SEL1L2: variants seen among roughly 807,000 people sequenced by gnomAD.
The protein encoded by SEL1L2 is SEL1L2 adaptor subunit of SYVN1 ubiquitin ligase.
In SEL1L2, 89 loss-of-function variants were observed where a neutral mutation model predicts 98.8. That is an observed-to-expected ratio of 0.90 (90% CI 0.76 to 1.07). SEL1L2 has a LOEUF of 1.07. Among genes scored for constraint, SEL1L2 ranks in the 50% least tolerant of loss-of-function variants. The probability of loss-of-function intolerance (pLI) is 0.00; values close to 1 mark genes in which losing one functional copy is unlikely to be tolerated. For missense variants in SEL1L2, 788 were observed against 812.0 expected (o/e 0.97, Z 0.36); for synonymous variants, 262 against 278.5 (o/e 0.94, Z 0.59).
intron 14 of SEL1L2, among the ~76,000 whole-genome samples, chr20:13,867,686 G>T (rs35770779): frequency 2.0e-5 from 3 of 152,068 alleles, no homozygotes; most frequent in African/African-American, 7.3e-5. Flanking sequence ...GGTCAAATGA[G>T]TTGAGAGGGT....
At chr20:13,860,336 C>T (rs1478454342) in intron 17 of SEL1L2, among the ~76,000 whole-genome samples, 1 of 152,210 alleles carries the variant, frequency 6.6e-6, no homozygotes, top group East Asian at 1.9e-4. Context: ...CTCCCATGGA[C>T]TCTTCAACCC....
chr20:13,935,632 T>G (rs1156324642), intron 2 of SEL1L2, among the ~76,000 whole-genome samples: 2 of 150,566 alleles, frequency 1.3e-5, no homozygotes, highest in East Asian at 1.9e-4. Flanking sequence ...GTGAGTGGGG[T>G]GGGGAGAGGG....
intron 12 of SEL1L2, among the ~76,000 whole-genome samples, chr20:13,870,644 C>T (rs1354200950): frequency 1.3e-5 from 2 of 152,026 alleles, no homozygotes; most frequent in Non-Finnish European, 2.9e-5. Context: ...AGATTGAGGC[C>T]GGGCATGGTG....
chr20:13,957,406 G>C (rs900098692), intron 1 of SEL1L2, among the ~76,000 whole-genome samples: 1 of 152,184 alleles, frequency 6.6e-6, no homozygotes, highest in Non-Finnish European at 1.5e-5. Context: ...CCAGCCCATT[G>C]TATTTATTAA....
chr20:13,975,794 T>C (rs2051504127), intron 1 of SEL1L2, among the ~76,000 whole-genome samples: 1 of 152,194 alleles, frequency 6.6e-6, no homozygotes, highest in Non-Finnish European at 1.5e-5. Context: ...GAGACTTTGA[T>C]GCATAGGACA....
At chr20:13,949,347 C>A (rs1445973258) in intron 2 of SEL1L2, among the ~76,000 whole-genome samples, 2 of 152,178 alleles carry the variant, frequency 1.3e-5, no homozygotes, top group African/African-American at 2.4e-5. Context: ...CCACCTTACA[C>A]CCTATTCAAA....
chr20:13,854,791 C>A (rs999242765), intron 18 of SEL1L2, among the ~76,000 whole-genome samples: 5 of 152,116 alleles, frequency 3.3e-5, no homozygotes, highest in Admixed American at 1.3e-4. Context: ...TGGTGGCTCA[C>A]GCCTGTAACC....
At chr20:13,930,739 TCATC>T (rs2049107724) in intron 3 of SEL1L2, among the ~76,000 whole-genome samples, 3 of 152,174 alleles carry the variant, frequency 2.0e-5, no homozygotes, top group Non-Finnish European at 4.4e-5. Context: ...ATCAATGAGT[TCATC>T]CAGCCCCAAA....
At chr20:13,921,259 A>T (rs975471847) in intron 3 of SEL1L2, among the ~76,000 whole-genome samples, 4 of 152,182 alleles carry the variant, frequency 2.6e-5, no homozygotes, top group African/African-American at 9.6e-5. Context: ...TGCAACCTCC[A>T]CCTCCTGGGT....
chr20:13,961,483 G>T (rs2050768537), intron 1 of SEL1L2, among the ~76,000 whole-genome samples: 1 of 152,134 alleles, frequency 6.6e-6, no homozygotes, highest in Non-Finnish European at 1.5e-5. Context: ...GGTTTTTGGG[G>T]CATGGAGGGG....
At chr20:13,877,661 T>G in intron 10 of SEL1L2, 73 bp from the exon 11 acceptor site, 1 of 1,131,970 alleles carries the variant, frequency 8.8e-7, no homozygotes, top group Non-Finnish European at 1.3e-6. Context: ...GAACCAAACT[T>G]TATTCAATAT....
At chr20:13,965,039 C>T (rs114857645) in intron 1 of SEL1L2, among the ~76,000 whole-genome samples, 1 of 152,218 alleles carries the variant, frequency 6.6e-6, no homozygotes, top group African/African-American at 2.4e-5. Flanking sequence ...TCAGTCCTCA[C>T]CTCTTCTCTC....
chr20:13,887,822 A>G lies in SEL1L2; in HGVS notation c.692T>C (p.Val231Ala). ...LGYRYLSGIN[V>A]LQNCEVALSY... ...TAGGGCAACTTCACAATTCTGTAGA[A>G]CATTGATTCCCGACAAATATCTGTA... Residue 231 changes from valine (V) to alanine (A), a missense_variant, in exon 8 of 20, where the codon GTT becomes GCT. Physicochemically the swap from Val to Ala is moderately conservative, Grantham distance 64. Transcript: ENST00000284951. The G allele has an allele frequency of 1.2e-6, 2 of 1,613,380 alleles. No homozygotes were observed. Among genetic ancestry groups the G allele is most frequent in the Admixed American group, 1.7e-5 (1 of 59,988 alleles).
At chr20:13,902,456 T>C (rs1170419922) in intron 5 of SEL1L2, among the ~76,000 whole-genome samples, 1 of 152,216 alleles carries the variant, frequency 6.6e-6, no homozygotes, top group Non-Finnish European at 1.5e-5. Flanking sequence ...TAGGTATCAT[T>C]ATGAACAAAT....
chr20:13,939,043 T>TTTTTTTTTTTTTTTTTTTTTC, intron 2 of SEL1L2, among the ~76,000 whole-genome samples: 1 of 117,644 alleles, frequency 8.5e-6, no homozygotes, highest in East Asian at 2.6e-4. Context: ...TTGTTTTGTT[T>TTTTTTTTTTTTTTTTTTTTTC]TTTTTTTTTT....
intron 3 of SEL1L2, among the ~76,000 whole-genome samples, chr20:13,928,993 G>A (rs1230137122): frequency 6.6e-6 from 1 of 152,040 alleles, no homozygotes; most frequent in South Asian, 2.1e-4. Context: ...TTGTAGCAAT[G>A]ATTAAAACCC....
At chr20:13,930,919 T>C (rs1182607053) in intron 3 of SEL1L2, among the ~76,000 whole-genome samples, 1 of 152,054 alleles carries the variant, frequency 6.6e-6, no homozygotes, top group East Asian at 1.9e-4. Flanking sequence ...ATTCTGAATC[T>C]AAAATAGTGG....
At chr20:13,947,104 A>T (rs1175809446) in intron 2 of SEL1L2, among the ~76,000 whole-genome samples, 1 of 118,760 alleles carries the variant, frequency 8.4e-6, no homozygotes, top group Non-Finnish European at 1.8e-5. Context: ...TCAAGCCAGG[A>T]AGGACCTGAA....
intron 2 of SEL1L2, among the ~76,000 whole-genome samples, chr20:13,941,942 A>G (rs1395852963): frequency 2.0e-5 from 3 of 152,108 alleles, no homozygotes; most frequent in African/African-American, 7.2e-5. Flanking sequence ...TTCCTTAACA[A>G]TCTATGTCCC....
Sources: allele counts gnomAD v4.1 joint callset (sites outside exome capture counted in the v4.1 genomes callset), GRCh38; gene constraint gnomAD v4.1.1; transcripts MANE v1.5; gene names NCBI Gene and HGNC (gene_info 2026-07-23, HGNC 2026-07-21).